SLC30A7: variants seen among roughly 807,000 people sequenced by gnomAD.
SLC30A7 encodes zinc transporter 7.
In SLC30A7, 35 loss-of-function variants were observed where a neutral mutation model predicts 46.0. That is an observed-to-expected ratio of 0.76 (90% CI 0.58 to 1.01). The LOEUF is 1.01. Among genes scored for constraint, SLC30A7 ranks in the 50% least tolerant of loss-of-function variants. The pLI, the probability that SLC30A7 is intolerant of heterozygous loss-of-function variation, is 0.00. For synonymous variants in SLC30A7, 147 were observed against 157.8 expected, an observed-to-expected ratio of 0.93 and a Z score of 0.51; for missense variants, 464 against 451.1, an observed-to-expected ratio of 1.03 and a Z score of -0.26.
At chr1:100,922,117 G>A (rs183574687) in intron 8 of SLC30A7, among the ~76,000 whole-genome samples, 2 of 151,850 alleles carry the variant, frequency 1.3e-5, no homozygotes, top group Admixed American at 1.3e-4. Context: ...CCAGCTGTAC[G>A]TTAGTGCCCA....
chr1:100,978,439 C>T lies in SLC30A7; in HGVS notation c.*3582C>T, dbSNP rs959681551. ...TTCCAAAACTTAAGAACCATATTTA[C>T]ATTGCTTAACACAGAATTTTACATC... On this transcript the variant is annotated 3_prime_UTR_variant, in exon 11 of 11. Transcript: ENST00000357650. 6.6e-6 allele frequency: 1 copy of T among 152,198 alleles called. No homozygotes were observed. The highest frequency in any genetic ancestry group is 2.4e-5 in the African/African-American group (1 of 41,450). 9.4% of individuals were successfully genotyped at this position (152,198 alleles called of 1,614,324 possible). A position where few individuals can be genotyped will look rare whatever the true frequency, so the allele number is the denominator to read the frequency against.
rs930612927 is a variant in SLC30A7 at position 100,922,012 on chromosome 1, G to A, written c.842+171G>A. ...TCTGTCACCCAGGCTGGAGTGCTGT[G>A]GCACTGTCTCGGCTCATAGCCATCT... On this transcript the variant is annotated intron_variant, in intron 8 of 10. Coordinates refer to ENST00000357650, the MANE Select transcript of SLC30A7 (RefSeq NM_133496.5). 2.1e-5 allele frequency among the ~76,000 whole-genome samples: 3 copies of A among 142,552 alleles called. No homozygotes were observed. The East Asian group carries it at 6.2e-4, about 29-fold the overall frequency. The allele number at this position is 142,552 out of a possible 152,430, so 93.5% of individuals were successfully genotyped here.
chr1:100,916,179 T>A, intron 6 of SLC30A7, among the ~76,000 whole-genome samples: 1 of 151,978 alleles, frequency 6.6e-6, no homozygotes, highest in African/African-American at 2.4e-5. Context: ...TGTATATTCT[T>A]ATTATTTATT....
intron 8 of SLC30A7, among the ~76,000 whole-genome samples, chr1:100,936,898 T>C (rs1236321752): frequency 6.6e-6 from 1 of 152,218 alleles, no homozygotes; most frequent in Non-Finnish European, 1.5e-5. Flanking sequence ...TGTCCTCAAG[T>C]TTCATTCACT....
chr1:100,961,932 A>G lies in SLC30A7; in HGVS notation c.933+14A>G. The stretch of plus-strand genomic sequence containing the variant: ...TGCTATCAGAGGGTGAGTTTCAAAT[A>G]CTCCAAACCATTGGATTTTATGCTG... On this transcript the variant is annotated intron_variant, in intron 9 of 10. Coordinates refer to ENST00000357650, the MANE Select transcript of SLC30A7 (RefSeq NM_133496.5). 1 of 1,490,250 alleles carries G rather than the reference A, an allele frequency of 6.7e-7. No homozygotes were observed. Among genetic ancestry groups the G allele is most frequent in the Non-Finnish European group, 9.2e-7 (1 of 1,084,300 alleles). 92.3% of individuals were successfully genotyped at this position (1,490,250 alleles called of 1,614,324 possible).
chr1:100,915,256 C>CTTTCTTT (rs1557981536), intron 6 of SLC30A7, among the ~76,000 whole-genome samples: 4 of 23,424 alleles, frequency 1.7e-4, no homozygotes, highest in Admixed American at 4.9e-4. Flanking sequence ...TTTCTTTCTT[C>CTTTCTTT]CTTTCTTTCT....
chr1:100,907,227 T>G (rs1651735032), intron 3 of SLC30A7, among the ~76,000 whole-genome samples: 1 of 151,950 alleles, frequency 6.6e-6, no homozygotes, highest in African/African-American at 2.4e-5. Flanking sequence ...ATTTCTCAAC[T>G]TTTTTTTGAA....
At chr1:100,992,503 A>G in the SLC30A7 span, 2 of 584,972 alleles carry the variant, frequency 3.4e-6, no homozygotes, top group Non-Finnish European at 5.5e-6. Context: ...AAAGTTGGAC[A>G]AAAATGACAA....
In SLC30A7 at chr1:100,978,201, A is replaced by T. The variant is rs1656677648; in HGVS notation, c.*3344A>T. 1 of 152,138 alleles carries T rather than the reference A, an allele frequency of 6.6e-6. No individual in the cohort carries two copies. Among genetic ancestry groups the T allele is most frequent in the Non-Finnish European group, 1.5e-5 (1 of 68,018 alleles). 9.4% of individuals were successfully genotyped at this position (152,138 alleles called of 1,614,324 possible). A position where few individuals can be genotyped will look rare whatever the true frequency, so the allele number is the denominator to read the frequency against. On this transcript the variant is annotated 3_prime_UTR_variant, in exon 11 of 11. Transcript: ENST00000357650. ...GTAGGTCAGTGTTCCTTGTGCTGTC[A>T]TTTCCCTTATATCTGGAATTTGTCA...
chr1:100,959,803 TAC>T (rs909304524), intron 8 of SLC30A7, among the ~76,000 whole-genome samples: 4 of 152,316 alleles, frequency 2.6e-5, no homozygotes, highest in Admixed American at 2.6e-4. Flanking sequence ...GCATGAATAC[TAC>T]ATAGGGCAGG....
the SLC30A7 span, chr1:100,995,900 T>C: frequency 1.3e-5 from 2 of 152,222 alleles, no homozygotes; most frequent in African/African-American, 4.8e-5. Flanking sequence ...TGAAAACAAA[T>C]GGTTCAGCCA....
chr1:100,919,858 C>T (rs1271415507), intron 7 of SLC30A7, among the ~76,000 whole-genome samples: 1 of 152,050 alleles, frequency 6.6e-6, no homozygotes, highest in African/African-American at 2.4e-5. Context: ...ACATGAAAAA[C>T]TTGAATTAAT....
chr1:100,916,192 T>A (rs1467059783), intron 6 of SLC30A7, among the ~76,000 whole-genome samples: 3 of 152,168 alleles, frequency 2.0e-5, no homozygotes, highest in African/African-American at 7.2e-5. Context: ...TATTTATTTA[T>A]TTATTTATTT....
chr1:100,948,831 C>A (rs1433521029), intron 8 of SLC30A7, among the ~76,000 whole-genome samples: 2 of 152,124 alleles, frequency 1.3e-5, no homozygotes, highest in Non-Finnish European at 2.9e-5. Flanking sequence ...ATCAAATTGG[C>A]TATTGAAGCT....
In SLC30A7 at chr1:100,924,715, A is replaced by G. The variant is rs190871976; in HGVS notation, c.842+2874A>G. On this transcript the variant is annotated intron_variant, in intron 8 of 10. Transcript: ENST00000357650. ...ATTGGTACACTTTGAATTTGAATCA[A>G]AATAAATTTGTGGGTTTTTTTTTTC... Among the ~76,000 whole-genome samples, 560 of 152,072 alleles carry G rather than the reference A, an allele frequency of 3.7e-3. 1 individual carries two copies. Among genetic ancestry groups the G allele is most frequent in the African/African-American group, 0.013 (540 of 41,544 alleles).
intron 6 of SLC30A7, among the ~76,000 whole-genome samples, chr1:100,915,260 T>TCTTTCTTC (rs1652463174): frequency 1.5e-5 from 2 of 136,856 alleles, no homozygotes; most frequent in East Asian, 4.2e-4. Flanking sequence ...TTTCTTCCTT[T>TCTTTCTTC]CTTTCTTTCT....
chr1:100,908,407 G>A (rs899878919), intron 3 of SLC30A7, among the ~76,000 whole-genome samples: 5 of 152,120 alleles, frequency 3.3e-5, no homozygotes, highest in African/African-American at 1.2e-4. Context: ...TGTCTCTTGG[G>A]CAAACAGTTC....
intron 10 of SLC30A7, among the ~76,000 whole-genome samples, chr1:100,971,753 T>G (rs1656172051): frequency 6.6e-6 from 1 of 152,134 alleles, no homozygotes; most frequent in Non-Finnish European, 1.5e-5. Context: ...CTGAAATGAT[T>G]TAGGTTTCAC....
At position 100,913,700 on chromosome 1, in the gene SLC30A7, AG is replaced by A; in HGVS notation, c.550del (p.Asp184IlefsTer15). 6 of 1,613,960 alleles carry A rather than the reference AG, an allele frequency of 3.7e-6. No individual in the cohort carries two copies. The highest frequency in any genetic ancestry group is 8.5e-7 in the Non-Finnish European group (1 of 1,179,832). Reference protein sequence around the residue: ...HSHSLFNGALDQAHGHVDHCH... With the variant: ...HSHSLFNGALXQAHGHVDHCH... ...GTCATTCCCTCTTTAATGGTGCTCT[AG>A]ATCAGGCACATGGCCATGTCGATCA... On this transcript the variant is annotated frameshift_variant, in exon 6 of 11. Coordinates refer to ENST00000357650, the MANE Select transcript of SLC30A7 (RefSeq NM_133496.5). LOFTEE classifies it high-confidence loss of function.
Sources: allele counts gnomAD v4.1 joint callset (sites outside exome capture counted in the v4.1 genomes callset), GRCh38; gene constraint gnomAD v4.1.1; transcripts MANE v1.5; gene names NCBI Gene and HGNC (gene_info 2026-07-23, HGNC 2026-07-21).